Variants in PSMG4 observed in about 807,000 individuals in gnomAD.
The protein encoded by PSMG4 is proteasome (prosome, macropain) assembly chaperone 4.
PSMG4 carries 10 observed loss-of-function variants against 11.0 expected under a neutral mutation model. The observed-to-expected ratio is 0.91, with a 90% CI of 0.56 to 1.54. The LOEUF is 1.54. PSMG4 is among the 40% of genes most tolerant of loss of function. The pLI, the probability that PSMG4 is intolerant of heterozygous loss-of-function variation, is 0.00. For missense variants in PSMG4, 198 were observed against 160.9 expected (o/e 1.23, Z -1.25); for synonymous variants, 95 against 71.3 (o/e 1.33, Z -1.68).
At chr6:3,255,555 C>T (rs1301970942), upstream of PSMG4, among the ~76,000 whole-genome samples, 1 of 152,182 alleles carries the variant, frequency 6.6e-6, no homozygotes, top group Non-Finnish European at 1.5e-5. Context: ...CCTTGGGCTG[C>T]TGTTCTGTTT....
upstream of PSMG4, among the ~76,000 whole-genome samples, chr6:3,257,736 G>A (rs1478687721): frequency 6.6e-6 from 1 of 151,754 alleles, no homozygotes; most frequent in African/African-American, 2.4e-5. Flanking sequence ...TTGGGGGCAG[G>A]AGTCATTACT....
At chr6:3,264,375 G>T in intron 2 of PSMG4, 4 of 1,529,448 alleles carry the variant, frequency 2.6e-6, no homozygotes, top group Non-Finnish European at 3.5e-6. Context: ...CCTGTGGCCA[G>T]TGTGCACAGG....
chr6:3,254,797 CAG>C (rs147202765), upstream of PSMG4, among the ~76,000 whole-genome samples: 1,535 of 152,250 alleles, frequency 0.01, 36 homozygotes, highest in African/African-American at 0.035. Flanking sequence ...TGCTTGGGGT[CAG>C]AGCAACAAGA....
At chr6:3,257,483 C>A (rs568319273), upstream of PSMG4, among the ~76,000 whole-genome samples, 1 of 152,302 alleles carries the variant, frequency 6.6e-6, no homozygotes, top group African/African-American at 2.4e-5. Flanking sequence ...TTTGGGTCCT[C>A]CTAGCTGATT....
chr6:3,260,283 A>ATT (rs1561840875), intron 1 of PSMG4, among the ~76,000 whole-genome samples: 10 of 30,220 alleles, frequency 3.3e-4, no homozygotes, highest in African/African-American at 9.1e-4. Context: ...AATTGTATAT[A>ATT]TATATATATT....
chr6:3,256,222 A>C (rs926303317), upstream of PSMG4, among the ~76,000 whole-genome samples: 1 of 152,164 alleles, frequency 6.6e-6, no homozygotes, highest in Non-Finnish European at 1.5e-5. Flanking sequence ...CTCCACTATG[A>C]TAGCTCCTAC....
intron 1 of PSMG4, among the ~76,000 whole-genome samples, chr6:3,260,291 A>ATATTTTTTTTTTTTTTTTTTT: frequency 1.4e-5 from 1 of 70,840 alleles, no homozygotes; most frequent in African/African-American, 5.5e-5. Flanking sequence ...ATATATATAT[A>ATATTTTTTTTTTTTTTTTTTT]TTTTTTTTTT....
upstream of PSMG4, chr6:3,255,085 A>G (rs982606623): frequency 4.5e-6 from 7 of 1,551,046 alleles, no homozygotes; most frequent in Middle Eastern, 1.7e-4. Flanking sequence ...TCTATTCCTA[A>G]GAAGTTGGCT....
upstream of PSMG4, among the ~76,000 whole-genome samples, chr6:3,256,859 C>T (rs990959780): frequency 3.3e-5 from 5 of 152,102 alleles, no homozygotes; most frequent in Admixed American, 2.6e-4. Flanking sequence ...GAGGCCGTGG[C>T]AGAAGGTAGG....
chr6:3,266,424 A>G (rs959619806), intron 2 of PSMG4: 2 of 151,940 alleles, frequency 1.3e-5, no homozygotes, highest in Non-Finnish European at 2.9e-5. Context: ...GGCTAAGTAC[A>G]TGCTTGCCAT....
chr6:3,258,953 TCGGGTCTGG>T lies in PSMG4; in HGVS notation c.-65_-57del. On this transcript the variant is annotated 5_prime_UTR_variant, in exon 1 of 3. Coordinates refer to ENST00000438998, the MANE Select transcript of PSMG4 (RefSeq NM_001128591.2). ...GCTCGGTCTCTCGGTGCTCGCTCCA[TCGGGTCTGG>T]CGGGGCTGGCAGCGGCGAGGACCCG... 8.2e-7 allele frequency: 1 copy of T among 1,217,244 alleles called. No homozygotes were observed. Among genetic ancestry groups the T allele is most frequent in the Non-Finnish European group, 1.0e-6 (1 of 972,818 alleles). 75.4% of individuals were successfully genotyped at this position (1,217,244 alleles called of 1,614,324 possible).
chr6:3,258,807 G>A (rs1410785089), upstream of PSMG4: 2 of 396,954 alleles, frequency 5.0e-6, no homozygotes, highest in Non-Finnish European at 4.4e-6. Flanking sequence ...ACCAGGGACA[G>A]CTACTCCGCC....
Position 3,260,291 on chromosome 6 carries a change from A to ATATATTTTTTTT in PSMG4, c.174+1096_174+1097insATATTTTTTTTT. On this transcript the variant is annotated intron_variant, in intron 1 of 2. Transcript: ENST00000438998. ...TGTCTTAAATTGTATATATATATAT[A>ATATATTTTTTTT]TTTTTTTTTTTTTTTTTTGAAGCAA... Among the ~76,000 whole-genome samples, 231 of 70,834 alleles carry ATATATTTTTTTT rather than the reference A, an allele frequency of 3.3e-3. 4 individuals are homozygous for ATATATTTTTTTT. The highest frequency in any genetic ancestry group is 0.012 in the African/African-American group (218 of 18,334). The allele number at this position is 70,834 out of a possible 152,430, so 46.5% of individuals were successfully genotyped here.
chr6:3,254,821 G>GA (rs1332261954), upstream of PSMG4, among the ~76,000 whole-genome samples: 1 of 152,218 alleles, frequency 6.6e-6, no homozygotes, highest in Non-Finnish European at 1.5e-5. Context: ...ACCAATTCTG[G>GA]ACACAGTGGG....
upstream of PSMG4, chr6:3,255,092 G>C (rs747491822): frequency 1.9e-6 from 3 of 1,550,710 alleles, no homozygotes; most frequent in African/African-American, 1.4e-5. Context: ...CTAAGAAGTT[G>C]GCTGCATAGG....
At chr6:3,257,886 A>AC (rs762996263), upstream of PSMG4, among the ~76,000 whole-genome samples, 2 of 152,244 alleles carry the variant, frequency 1.3e-5, no homozygotes, top group Non-Finnish European at 2.9e-5. Context: ...TAAAGCTGTT[A>AC]AAATATTGAC....
chr6:3,264,139 G>T (rs1295540490), intron 2 of PSMG4: 1 of 1,541,352 alleles, frequency 6.5e-7, no homozygotes, highest in African/African-American at 1.4e-5. Context: ...GGAGGAGTCA[G>T]TGCAGCTGGT....
Position 3,259,147 on chromosome 6 carries a change from G to C in PSMG4, c.125G>C (p.Gly42Ala), listed in dbSNP as rs1396678957. 2 of 1,304,618 alleles carry C rather than the reference G, an allele frequency of 1.5e-6. No homozygotes were observed. Among genetic ancestry groups the C allele is most frequent in the East Asian group, 3.1e-5 (1 of 32,058 alleles). The allele number at this position is 1,304,618 out of a possible 1,614,324, so 80.8% of individuals were successfully genotyped here. A position where few individuals can be genotyped will look rare whatever the true frequency, so the allele number is the denominator to read the frequency against. Residue 42 changes from glycine (G) to alanine (A), a missense_variant, in exon 1 of 3, where the codon GGG becomes GCG. Coordinates refer to ENST00000438998, the MANE Select transcript of PSMG4 (RefSeq NM_001128591.2). ...RLTDSLFLWV[G>A]ATPHLRNLAV... ...ACGGACTCGCTGTTCCTGTGGGTGG[G>C]GGCCACGCCGCACCTGCGCAACCTC... is the stretch of plus-strand genomic sequence containing the variant.
chr6:3,257,598 A>T (rs1366602226), upstream of PSMG4, among the ~76,000 whole-genome samples: 1 of 152,196 alleles, frequency 6.6e-6, no homozygotes, highest in Admixed American at 6.5e-5. Context: ...ACACACAAGC[A>T]GATGAACCCA....
Sources: gnomAD v4.1 joint callset for allele counts (sites outside exome capture counted in the v4.1 genomes callset) on GRCh38, gnomAD v4.1.1 for gene constraint, MANE v1.5 for transcripts, NCBI Gene and HGNC (gene_info 2026-07-23, HGNC 2026-07-21) for gene names.